BICC1: variants seen among roughly 807,000 people sequenced by gnomAD.
The protein encoded by BICC1 is BicC family RNA binding protein 1.
A neutral mutation model predicts 111.0 loss-of-function variants in BICC1; 43 were observed. That is an observed-to-expected ratio of 0.39 (90% confidence interval 0.30 to 0.50). BICC1 has a LOEUF of 0.50. BICC1 is among the 20% of genes least tolerant of loss of function. BICC1 has a pLI of 0.88. For synonymous variants in BICC1, 467 were observed against 434.4 expected (o/e 1.07, Z -0.93); for missense variants, 1,091 against 1,203.2 (o/e 0.91, Z 1.38).
chr10:58,636,546 G>T (rs920258), intron 2 of BICC1, among the ~76,000 whole-genome samples: 1 of 152,142 alleles, frequency 6.6e-6, no homozygotes, highest in South Asian at 2.1e-4. Context: ...GATCCAGAGC[G>T]GATGATGATA....
At chr10:58,687,105 A>G (rs1839757663) in intron 2 of BICC1, among the ~76,000 whole-genome samples, 1 of 152,194 alleles carries the variant, frequency 6.6e-6, no homozygotes, top group African/African-American at 2.4e-5. Context: ...CAGGACCCTC[A>G]GCTGCAGGTC....
chr10:58,551,964 T>TTTG (rs770930056), intron 1 of BICC1, among the ~76,000 whole-genome samples: 2,078 of 151,496 alleles, frequency 0.014, 38 homozygotes, highest in African/African-American at 0.048. Context: ...AAGTTTTTTT[T>TTTG]GGGGGGGGAT....
At chr10:58,613,174 A>G (rs1314102820) in intron 1 of BICC1, among the ~76,000 whole-genome samples, 1 of 152,238 alleles carries the variant, frequency 6.6e-6, no homozygotes, top group Non-Finnish European at 1.5e-5. Context: ...GTAGTATTGA[A>G]GTAATTTATT....
chr10:58,521,757 G>T (rs1842393041), intron 1 of BICC1, among the ~76,000 whole-genome samples: 1 of 146,882 alleles, frequency 6.8e-6, no homozygotes, highest in African/African-American at 2.5e-5. Flanking sequence ...AAATCAGCCA[G>T]GGAATGTGGT....
Position 58,765,420 on chromosome 10 carries a change from G to C in BICC1, c.308-19581G>C, listed in dbSNP as rs565359654. The stretch of plus-strand genomic sequence containing the variant: ...CCACAGGACCTATGTTGTTTGAATA[G>C]GACCTCTCTTGCCTAAACATTTTTA... On this transcript the variant is annotated intron_variant, in intron 3 of 20. Coordinates refer to ENST00000373886, the MANE Select transcript of BICC1 (RefSeq NM_001080512.3). 4.6e-5 allele frequency among the ~76,000 whole-genome samples: 7 copies of C among 152,206 alleles called. No homozygotes were observed. In the South Asian group the frequency reaches 1.5e-3, roughly 32 times the overall value.
At position 58,793,599 on chromosome 10, in the gene BICC1, C is replaced by A; in HGVS notation, c.1163C>A (p.Pro388His). 3.1e-6 allele frequency: 5 copies of A among 1,613,616 alleles called. No individual in the cohort carries two copies. Among genetic ancestry groups the A allele is most frequent in the Non-Finnish European group, 4.2e-6 (5 of 1,179,846 alleles). The stretch of plus-strand genomic sequence containing the variant: ...GTCTTCATCAGTATTAAACCAAAGC[C>A]CAAACAGCCAAGCAAGGTTGGTTCA... ...LDVFISIKPKPKQPSKSVIVK... is the reference protein window; with the variant it reads ...LDVFISIKPKHKQPSKSVIVK... Residue 388 changes from proline (P) to histidine (H), a missense_variant, in exon 9 of 21, where the codon CCC becomes CAC. Pro to His is a moderately conservative substitution (Grantham distance 77). Transcript: ENST00000373886.
intron 17 of BICC1, among the ~76,000 whole-genome samples, chr10:58,809,963 A>G (rs1843848955): frequency 6.6e-6 from 1 of 152,230 alleles, no homozygotes; most frequent in Non-Finnish European, 1.5e-5. Flanking sequence ...TATGAACATA[A>G]GAATCACTCG....
intron 2 of BICC1, among the ~76,000 whole-genome samples, chr10:58,677,553 A>G (rs1390458466): frequency 6.6e-6 from 1 of 152,252 alleles, no homozygotes; most frequent in African/African-American, 2.4e-5. Flanking sequence ...CTATGTGAAA[A>G]GACCAAACCT....
chr10:58,669,718 C>G lies in BICC1; in HGVS notation c.238-32356C>G, dbSNP rs1839123537. ...GTATAAAAATAACAAAACAGAATCC[C>G]TTAAAACGTTACATAATTCAGAATA... On this transcript the variant is annotated intron_variant, in intron 2 of 20. Transcript: ENST00000373886. Among the ~76,000 whole-genome samples, 5 of 152,062 alleles carry G rather than the reference C, an allele frequency of 3.3e-5. No individual in the cohort carries two copies. The South Asian group carries it at 8.3e-4, about 25-fold the overall frequency.
At chr10:58,618,863 G>A (rs1312462298) in intron 1 of BICC1, among the ~76,000 whole-genome samples, 1 of 152,176 alleles carries the variant, frequency 6.6e-6, no homozygotes, top group Non-Finnish European at 1.5e-5. Context: ...TGTTAGCAGA[G>A]CTGTATTCTC....
At chr10:58,633,995 C>CT (rs5785333) in intron 2 of BICC1, among the ~76,000 whole-genome samples, 46 of 99,934 alleles carry the variant, frequency 4.6e-4, no homozygotes, top group African/African-American at 1.5e-3. Context: ...TTTTTCTTTT[C>CT]TTTTTTTTTT....
At chr10:58,551,048 T>C (rs1843283080) in intron 1 of BICC1, among the ~76,000 whole-genome samples, 1 of 152,208 alleles carries the variant, frequency 6.6e-6, no homozygotes, top group African/African-American at 2.4e-5. Context: ...TCAGTACTAG[T>C]AAATACAACC....
chr10:58,580,723 C>CTT (rs1426937400), intron 1 of BICC1, among the ~76,000 whole-genome samples: 1 of 152,112 alleles, frequency 6.6e-6, no homozygotes. Context: ...GTTTTTGGCT[C>CTT]TACCTGCTAC....
intron 2 of BICC1, among the ~76,000 whole-genome samples, chr10:58,665,349 T>A (rs1838976226): frequency 6.6e-6 from 1 of 152,228 alleles, no homozygotes. Flanking sequence ...AATATTATTA[T>A]AGTGCCTGCA....
chr10:58,576,957 G>A (rs894601676), intron 1 of BICC1, among the ~76,000 whole-genome samples: 2 of 152,154 alleles, frequency 1.3e-5, no homozygotes, highest in East Asian at 3.9e-4. Context: ...ATGAGGGGAG[G>A]AACAGAGCAA....
At chr10:58,818,346 A>G (rs942780036) in intron 19 of BICC1, among the ~76,000 whole-genome samples, 2 of 152,170 alleles carry the variant, frequency 1.3e-5, no homozygotes, top group African/African-American at 4.8e-5. Context: ...GGCCCCAGGC[A>G]TGATTCTTCC....
At chr10:58,715,489 C>A in intron 3 of BICC1, 4 of 905,920 alleles carry the variant, frequency 4.4e-6, no homozygotes, top group East Asian at 2.5e-5. Flanking sequence ...CTGTGGCAGG[C>A]CCTCTTCGGC....
chr10:58,531,028 G>A (rs145781210), intron 1 of BICC1, among the ~76,000 whole-genome samples: 3 of 151,834 alleles, frequency 2.0e-5, no homozygotes, highest in South Asian at 2.1e-4. Flanking sequence ...CATCTGAGTC[G>A]GCCCCTTCCC....
In BICC1 at chr10:58,628,444, C is replaced by A. The variant is rs1157963832; in HGVS notation, c.237+7543C>A. On this transcript the variant is annotated intron_variant, in intron 2 of 20. Transcript: ENST00000373886. The stretch of plus-strand genomic sequence containing the variant: ...AGTGTTAATTTTTAGAAAAATGTCC[C>A]CCCTTTCATCCATTTGCCCTTGTTT... Among the ~76,000 whole-genome samples the A allele has an allele frequency of 5.9e-5, 9 of 152,146 alleles. No individual in the cohort carries two copies. In the East Asian group the frequency reaches 1.7e-3, roughly 29 times the overall value.
Sources: allele counts gnomAD v4.1 joint callset (sites outside exome capture counted in the v4.1 genomes callset), GRCh38; gene constraint gnomAD v4.1.1; transcripts MANE v1.5; gene names NCBI Gene and HGNC (gene_info 2026-07-23, HGNC 2026-07-21).